COL13A1: variants seen among roughly 807,000 people sequenced by gnomAD.
COL13A1 encodes collagen type XIII alpha 1 chain.
A neutral mutation model predicts 130.9 loss-of-function variants in COL13A1; 89 were observed. The ratio of observed to expected loss-of-function variants is 0.68; its 90% CI spans 0.57 to 0.81. The LOEUF (loss-of-function observed/expected upper bound fraction) is 0.81, where lower values mean the gene tolerates loss of function less well. Among genes scored for constraint, COL13A1 ranks in the 30% least tolerant of loss-of-function variants. The pLI is 0.00. For missense variants in COL13A1, 879 were observed against 934.6 expected (o/e 0.94, Z 0.78); for synonymous variants, 402 against 341.6 (o/e 1.18, Z -1.95).
At position 69,917,333 on chromosome 10, in the gene COL13A1, G is replaced by T. The variant is rs756385134; in HGVS notation, c.966G>T (p.Lys322Asn). ...GGATGCCAGGCAAGCATGGAGCCAA[G>T]GTACCTCCCCCTTCCCCACATCCCA... The part of the protein sequence containing the change: ...MPGMPGKHGA[K>N]GAPGIAVAGM... The change falls in exon 18 of 41, where the codon AAG becomes AAT. Residue 322 changes from lysine to asparagine, a missense_variant and splice_region_variant. Lys to Asn is a moderately conservative substitution (Grantham distance 94). This residue lies in a region of COL13A1 where 715 missense variants were observed against 721.0 expected (regional missense o/e 0.99). Transcript: ENST00000645393. The T allele has an allele frequency of 1.5e-5, 24 of 1,613,260 alleles. No homozygotes were observed. The highest frequency in any genetic ancestry group is 1.9e-5 in the Non-Finnish European group (23 of 1,179,590).
intron 3 of COL13A1, among the ~76,000 whole-genome samples, chr10:69,870,278 T>A (rs899279880): frequency 4.6e-5 from 7 of 151,720 alleles, no homozygotes; most frequent in Non-Finnish European, 8.8e-5. Flanking sequence ...ACCTTTAATT[T>A]TTTTTTCTTT....
At chr10:69,812,537 G>T (rs1163755608) in intron 1 of COL13A1, among the ~76,000 whole-genome samples, 3 of 152,272 alleles carry the variant, frequency 2.0e-5, no homozygotes, top group Non-Finnish European at 4.4e-5. Context: ...CCTCTCACAG[G>T]CATAGAGTCA....
chr10:69,803,471 C>G (rs1394519971), intron 1 of COL13A1, among the ~76,000 whole-genome samples: 1 of 152,182 alleles, frequency 6.6e-6, no homozygotes, highest in Non-Finnish European at 1.5e-5. Flanking sequence ...GGACATGCAG[C>G]CTCTTTGTGC....
At chr10:69,909,323 TGCTCTTCTCCGGTA>T (rs2063118510) in intron 17 of COL13A1, among the ~76,000 whole-genome samples, 1 of 152,226 alleles carries the variant, frequency 6.6e-6, no homozygotes, top group African/African-American at 2.4e-5. Flanking sequence ...CCACCCTCTC[TGCTCTTCTCCGGTA>T]GCCTCTTCTC....
At chr10:69,827,117 C>A (rs1304527391) in intron 2 of COL13A1, among the ~76,000 whole-genome samples, 1 of 152,186 alleles carries the variant, frequency 6.6e-6, no homozygotes, top group Non-Finnish European at 1.5e-5. Flanking sequence ...AGAGGACATT[C>A]CAGGCTGGCT....
Position 69,904,358 on chromosome 10 carries a change from G to GACTCAGGCATCACGGCTT in COL13A1, c.859-574_859-557dup, listed in dbSNP as rs552141798. 4.4e-3 allele frequency among the ~76,000 whole-genome samples: 671 copies of GACTCAGGCATCACGGCTT among 152,260 alleles called. 9 individuals carry two copies. The highest frequency in any genetic ancestry group is 0.016 in the African/African-American group (647 of 41,530). On this transcript the variant is annotated intron_variant, in intron 15 of 40. Transcript: ENST00000645393. Reference sequence around the variant, plus strand: ...TTCTTAACCCAATTGCAATAGACCAGACTCAGGCATCACGGCTTTCTCCAG... The same window carrying GACTCAGGCATCACGGCTT: ...TTCTTAACCCAATTGCAATAGACCAGACTCAGGCATCACGGCTTACTCAGGCATCACGGCTTTCTCCAG...
intron 5 of COL13A1, 86 bp from the exon 6 acceptor site, chr10:69,877,953 T>C (rs2059765392): frequency 4.4e-6 from 3 of 688,824 alleles, no homozygotes; most frequent in African/African-American, 1.8e-5. Context: ...ACATGGATTC[T>C]CGTGTGGGTG....
intron 17 of COL13A1, among the ~76,000 whole-genome samples, chr10:69,915,685 C>G (rs1456455857): frequency 1.3e-5 from 2 of 152,216 alleles, no homozygotes; most frequent in Non-Finnish European, 2.9e-5. Context: ...TACTCAGAGG[C>G]CCTCAGGTCT....
intron 38 of COL13A1, among the ~76,000 whole-genome samples, chr10:69,949,277 G>A (rs2069013642): frequency 6.6e-6 from 1 of 152,146 alleles, no homozygotes; most frequent in African/African-American, 2.4e-5. Flanking sequence ...CCGCCTCCCG[G>A]GTTCAAGTGA....
rs371542466 is a variant in COL13A1, at chr10:69,941,406, T to A, written c.1914+383T>A. Among the ~76,000 whole-genome samples, 24 of 152,330 alleles carry A rather than the reference T, an allele frequency of 1.6e-4. No individual in the cohort carries two copies. The East Asian group carries it at 1.9e-3, about 12-fold the overall frequency. ...CAGTGTCTGTGTGTGCCCGTCATGC[T>A]GTGTTGTCTTCATGCTGTGAGCTCT... is the stretch of plus-strand genomic sequence containing the variant. On this transcript the variant is annotated intron_variant, in intron 35 of 40. Coordinates refer to ENST00000645393, the MANE Select transcript of COL13A1 (RefSeq NM_001368882.1).
At chr10:69,868,296 G>T (rs2058725205) in intron 3 of COL13A1, among the ~76,000 whole-genome samples, 1 of 151,228 alleles carries the variant, frequency 6.6e-6, no homozygotes, top group Admixed American at 6.6e-5. Context: ...GCCACTTTGG[G>T]CAGGTGGTGG....
In COL13A1 at chr10:69,958,935, A is replaced by G; in HGVS notation, c.*234A>G. On this transcript the variant is annotated 3_prime_UTR_variant, in exon 41 of 41. Transcript: ENST00000645393. ...TTTTTTGTTTGGTCGTAATGTCTGCATGATATTTGTGCACATTTATTAAGT... is the reference window on the plus strand; with the variant it reads ...TTTTTTGTTTGGTCGTAATGTCTGCGTGATATTTGTGCACATTTATTAAGT... The G allele has an allele frequency of 7.3e-6, 4 of 549,304 alleles. No individual in the cohort carries two copies. The highest frequency in any genetic ancestry group is 9.4e-6 in the Non-Finnish European group (3 of 319,902). The allele number at this position is 549,304 out of a possible 1,614,324, so 34.0% of individuals were successfully genotyped here. A position where few individuals can be genotyped will look rare whatever the true frequency, so the allele number is the denominator to read the frequency against.
At chr10:69,846,619 G>C (rs1402090253) in intron 2 of COL13A1, among the ~76,000 whole-genome samples, 1 of 152,078 alleles carries the variant, frequency 6.6e-6, no homozygotes, top group Non-Finnish European at 1.5e-5. Flanking sequence ...TCCTTTGATG[G>C]ACAGCCAAGA....
intron 40 of COL13A1, among the ~76,000 whole-genome samples, chr10:69,957,429 T>G (rs2070971700): frequency 6.6e-6 from 1 of 152,174 alleles, no homozygotes; most frequent in South Asian, 2.1e-4. Flanking sequence ...TCTCAGTTGC[T>G]TTCACTCTGA....
intron 25 of COL13A1, 58 bp downstream of exon 25, chr10:69,925,065 A>T: frequency 6.9e-7 from 1 of 1,449,004 alleles, no homozygotes; most frequent in Admixed American, 2.8e-5. Flanking sequence ...TCAAAAAAGC[A>T]TCTGAGACAG....
chr10:69,828,253 C>G (rs1476738508), intron 2 of COL13A1, among the ~76,000 whole-genome samples: 2 of 152,084 alleles, frequency 1.3e-5, no homozygotes, highest in African/African-American at 4.8e-5. Flanking sequence ...CTTTCCCCTG[C>G]GATGTTAGCC....
rs574904550 is a variant in COL13A1 at position 69,861,257 on chromosome 10, A to C, written c.365-6541A>C. Among the ~76,000 whole-genome samples the C allele has an allele frequency of 1.7e-3, 255 of 152,318 alleles. 2 individuals are homozygous for C. Among genetic ancestry groups the C allele is most frequent in the African/African-American group, 6.0e-3 (249 of 41,570 alleles). ...TGCCCCGCCAGGCTGCCAGGTGTGAAGTCCACTTCCATGGAGTTTACAGGA... is the reference window on the plus strand; with the variant it reads ...TGCCCCGCCAGGCTGCCAGGTGTGACGTCCACTTCCATGGAGTTTACAGGA... On this transcript the variant is annotated intron_variant, in intron 2 of 40. Transcript: ENST00000645393.
intron 2 of COL13A1, among the ~76,000 whole-genome samples, chr10:69,855,426 C>T (rs1856134189): frequency 6.6e-6 from 1 of 152,128 alleles, no homozygotes; most frequent in Non-Finnish European, 1.5e-5. Flanking sequence ...TGATGTTTCA[C>T]TTGATTGTGC....
At chr10:69,869,659 C>T (rs976843266) in intron 3 of COL13A1, among the ~76,000 whole-genome samples, 5 of 152,126 alleles carry the variant, frequency 3.3e-5, no homozygotes, top group East Asian at 1.9e-4. Context: ...CCCATCATGC[C>T]CCTGGCAGAC....
Sources: gnomAD v4.1 joint callset for allele counts (sites outside exome capture counted in the v4.1 genomes callset) on GRCh38, gnomAD v4.1.1 for gene constraint, gnomAD v4.1.1 regional missense constraint, MANE v1.5 for transcripts, NCBI Gene and HGNC (gene_info 2026-07-23, HGNC 2026-07-21) for gene names.